ARIH1: variants seen among roughly 807,000 people sequenced by gnomAD.
ARIH1 encodes E3 ubiquitin-protein ligase ARIH1.
In ARIH1, 8 loss-of-function variants were observed where a neutral mutation model predicts 85.0. That is an observed-to-expected ratio of 0.09 (90% confidence interval 0.06 to 0.17). The LOEUF (loss-of-function observed/expected upper bound fraction) is 0.17, where lower values mean the gene tolerates loss of function less well. ARIH1 is among the 10% of genes least tolerant of loss of function. ARIH1 has a pLI of 1.00. For missense variants in ARIH1, 311 were observed against 718.1 expected, an observed-to-expected ratio of 0.43 and a Z score of 6.48; for synonymous variants, 238 against 253.6, an observed-to-expected ratio of 0.94 and a Z score of 0.59.
intron 1 of ARIH1, among the ~76,000 whole-genome samples, chr15:72,495,009 C>T (rs1488683419): frequency 6.6e-6 from 1 of 152,114 alleles, no homozygotes; most frequent in Non-Finnish European, 1.5e-5. Flanking sequence ...ATTTAACTAA[C>T]TTGGTGAATA....
chr15:72,576,203 G>A (rs149002565), intron 11 of ARIH1, among the ~76,000 whole-genome samples: 64 of 152,196 alleles, frequency 4.2e-4, no homozygotes, highest in East Asian at 1.2e-3. Context: ...ACATACGTGT[G>A]TTAGGAACCC....
At chr15:72,546,115 A>G (rs117515842) in intron 3 of ARIH1, among the ~76,000 whole-genome samples, 2,119 of 152,256 alleles carry the variant, frequency 0.014, 25 homozygotes, top group Non-Finnish European at 0.022. Context: ...TCAGTGTACT[A>G]CAGCCTTCAT....
intron 1 of ARIH1, among the ~76,000 whole-genome samples, chr15:72,491,871 G>A (rs959277069): frequency 3.7e-4 from 57 of 152,142 alleles, no homozygotes; most frequent in African/African-American, 1.3e-3. Flanking sequence ...ATACACAAAC[G>A]TGTGAATGTT....
intron 11 of ARIH1, among the ~76,000 whole-genome samples, chr15:72,576,351 A>G (rs910865377): frequency 2.0e-5 from 3 of 151,850 alleles, no homozygotes; most frequent in African/African-American, 4.8e-5. Flanking sequence ...TAAAAATACA[A>G]AAAAATTAGC....
At chr15:72,514,882 C>G (rs1266915805) in intron 1 of ARIH1, among the ~76,000 whole-genome samples, 2 of 151,912 alleles carry the variant, frequency 1.3e-5, no homozygotes, top group Admixed American at 1.3e-4. Context: ...CCCCTGTAAT[C>G]CCAGCCACTC....
At position 72,592,424 on chromosome 15, in the gene ARIH1, A is replaced by G. The variant is rs2064346797; in HGVS notation, c.*9132A>G. Reference sequence around the variant, plus strand: ...CACTACTCACCTTTATTTTAAATTGATATATAGAAATTAATATTACAAAAT... The same window carrying G: ...CACTACTCACCTTTATTTTAAATTGGTATATAGAAATTAATATTACAAAAT... On this transcript the variant is annotated 3_prime_UTR_variant, in exon 14 of 14. Coordinates refer to ENST00000379887, the MANE Select transcript of ARIH1 (RefSeq NM_005744.5). The G allele has an allele frequency of 6.6e-6, 1 of 152,216 alleles. No homozygotes were observed. Among genetic ancestry groups the G allele is most frequent in the South Asian group, 2.1e-4 (1 of 4,834 alleles). 9.4% of individuals were successfully genotyped at this position (152,216 alleles called of 1,614,324 possible). A position where few individuals can be genotyped will look rare whatever the true frequency, so the allele number is the denominator to read the frequency against.
intron 3 of ARIH1, 112 bp from the exon 4 acceptor site, chr15:72,555,159 G>A (rs2064169675): frequency 2.8e-6 from 2 of 706,646 alleles, no homozygotes; most frequent in Admixed American, 5.7e-5. Flanking sequence ...TTGTCAAATT[G>A]GACATTTTAG....
chr15:72,509,982 T>A (rs1165567019), intron 1 of ARIH1, among the ~76,000 whole-genome samples: 2 of 151,672 alleles, frequency 1.3e-5, no homozygotes, highest in African/African-American at 4.9e-5. Context: ...ACAGATGGGA[T>A]CCTAGCACAC....
chr15:72,515,133 C>T (rs1190482116), intron 1 of ARIH1, among the ~76,000 whole-genome samples: 11 of 152,072 alleles, frequency 7.2e-5, no homozygotes, highest in Admixed American at 3.3e-4. Context: ...GTCGGGAGTT[C>T]GAGACCTGCC....
chr15:72,555,783 G>A lies in ARIH1; in HGVS notation c.682-69G>A, dbSNP rs1470639410. ...AGGTATTCCCAGAACCTAGCAAAGT[G>A]CCTGGCGATGGTAAGCATTCATTAA... On this transcript the variant is annotated intron_variant, in intron 4 of 13. Coordinates refer to ENST00000379887, the MANE Select transcript of ARIH1 (RefSeq NM_005744.5). 6 of 1,327,932 alleles carry A rather than the reference G, an allele frequency of 4.5e-6. No homozygotes were observed. The African/African-American group carries it at 5.8e-5, about 13-fold the overall frequency. 82.3% of individuals were successfully genotyped at this position (1,327,932 alleles called of 1,614,324 possible).
In ARIH1 at chr15:72,507,011, TG is replaced by T. The variant is rs1436598534; in HGVS notation, c.376-11055del. Reference sequence around the variant, plus strand: ...ATGTATGTATGTATGTATGTATGTATGTATGTATGTATTTATTTATTTATTT... The same window carrying T: ...ATGTATGTATGTATGTATGTATGTATTATGTATGTATTTATTTATTTATTT... On this transcript the variant is annotated intron_variant, in intron 1 of 13. Coordinates refer to ENST00000379887, the MANE Select transcript of ARIH1 (RefSeq NM_005744.5). 8.1e-4 allele frequency among the ~76,000 whole-genome samples: 123 copies of T among 150,984 alleles called. 1 individual carries two copies. Among genetic ancestry groups the T allele is most frequent in the Non-Finnish European group, 1.2e-3 (80 of 67,696 alleles).
chr15:72,585,548 T>C lies in ARIH1; in HGVS notation c.*2256T>C, dbSNP rs1023934790. The C allele has an allele frequency of 6.6e-6, 1 of 152,146 alleles. No individual in the cohort carries two copies. Among genetic ancestry groups the C allele is most frequent in the Non-Finnish European group, 1.5e-5 (1 of 68,026 alleles). 9.4% of individuals were successfully genotyped at this position (152,146 alleles called of 1,614,324 possible). The stretch of plus-strand genomic sequence containing the variant: ...GTTTAAAAAAAAAAAATCTTACCAG[T>C]TAACTTTGCAGTGTCTAGGTTTGAG... On this transcript the variant is annotated 3_prime_UTR_variant, in exon 14 of 14. Coordinates refer to ENST00000379887, the MANE Select transcript of ARIH1 (RefSeq NM_005744.5).
chr15:72,532,971 T>C (rs977623047), intron 2 of ARIH1, among the ~76,000 whole-genome samples: 7 of 152,242 alleles, frequency 4.6e-5, no homozygotes, highest in African/African-American at 1.7e-4. Context: ...GTTTATCCAC[T>C]GAAATGTTAA....
At chr15:72,516,756 A>G (rs2063976843) in intron 1 of ARIH1, among the ~76,000 whole-genome samples, 1 of 152,238 alleles carries the variant, frequency 6.6e-6, no homozygotes. Context: ...CAATTGACAT[A>G]CATTTCTTTC....
rs181108814 is a variant in ARIH1, at chr15:72,597,657, C to T, written c.*14365C>T. The T allele has an allele frequency of 1.2e-4, 18 of 152,160 alleles. No individual in the cohort carries two copies. Among genetic ancestry groups the T allele is most frequent in the African/African-American group, 3.4e-4 (14 of 41,508 alleles). The allele number at this position is 152,160 out of a possible 1,614,324, so 9.4% of individuals were successfully genotyped here. ...CTTGGGAGAAGTCAAGCTCTCTCAG[C>T]GTTCCTTCTATTATCCACACCTTTA... On this transcript the variant is annotated 3_prime_UTR_variant, in exon 14 of 14. Coordinates refer to ENST00000379887, the MANE Select transcript of ARIH1 (RefSeq NM_005744.5).
intron 2 of ARIH1, among the ~76,000 whole-genome samples, chr15:72,532,519 A>T (rs906643670): frequency 6.6e-6 from 1 of 152,230 alleles, no homozygotes; most frequent in African/African-American, 2.4e-5. Context: ...AGTAACTTCA[A>T]CCTTATTCTA....
chr15:72,557,085 C>G (rs2064177601), intron 5 of ARIH1, among the ~76,000 whole-genome samples: 2 of 151,904 alleles, frequency 1.3e-5, no homozygotes, highest in African/African-American at 4.8e-5. Context: ...TCACCAACAT[C>G]TGTTATTTTT....
chr15:72,546,210 A>G (rs2064128345), intron 3 of ARIH1, among the ~76,000 whole-genome samples: 1 of 151,582 alleles, frequency 6.6e-6, no homozygotes, highest in African/African-American at 2.4e-5. Context: ...CCTGGCTAAT[A>G]TTATATTTAT....
chr15:72,594,039 T>C lies in ARIH1; in HGVS notation c.*10747T>C, dbSNP rs2064353089. 1 of 152,164 alleles carries C rather than the reference T, an allele frequency of 6.6e-6. No individual in the cohort carries two copies. Among genetic ancestry groups the C allele is most frequent in the South Asian group, 2.1e-4 (1 of 4,838 alleles). The allele number at this position is 152,164 out of a possible 1,614,324, so 9.4% of individuals were successfully genotyped here. On this transcript the variant is annotated 3_prime_UTR_variant, in exon 14 of 14. Transcript: ENST00000379887. ...TGAACATATTAAGTCTTGTCATTTA[T>C]TTAGGTATTAAATTTTTTTCTCAGC... is the stretch of plus-strand genomic sequence containing the variant.
Sources: allele counts gnomAD v4.1 joint callset (sites outside exome capture counted in the v4.1 genomes callset), GRCh38; gene constraint gnomAD v4.1.1; transcripts MANE v1.5; gene names NCBI Gene and HGNC (gene_info 2026-07-23, HGNC 2026-07-21).